The following KCTD15 variants were observed in gnomAD, a reference collection of about 807,000 sequenced individuals.
KCTD15 encodes the protein BTB/POZ domain-containing protein KCTD15.
A neutral mutation model predicts 27.2 loss-of-function variants in KCTD15; 11 were observed. That is an observed-to-expected ratio of 0.41 (90% CI 0.25 to 0.67). KCTD15 has a LOEUF of 0.67. Among genes scored for constraint, KCTD15 ranks in the 30% least tolerant of loss-of-function variants. The probability of loss-of-function intolerance (pLI) is 0.35; values close to 1 mark genes in which losing one functional copy is unlikely to be tolerated. For missense variants in KCTD15, 350 were observed against 409.3 expected, an observed-to-expected ratio of 0.86 and a Z score of 1.25; for synonymous variants, 163 against 176.0, an observed-to-expected ratio of 0.93 and a Z score of 0.58.
Position 33,806,926 on chromosome 19 carries a change from C to T in KCTD15, c.306C>T (p.Phe102=), listed in dbSNP as rs1274235474. 6.2e-7 allele frequency: 1 copy of T among 1,614,180 alleles called. No homozygotes were observed. Among genetic ancestry groups the T allele is most frequent in the South Asian group, 1.1e-5 (1 of 91,086 alleles). Residue 102 remains phenylalanine, a synonymous_variant, in exon 5 of 7, where the codon TTC becomes TTT. Transcript: ENST00000683859. ...IVLDSLKQHY[F]IDRDGEIFRY... ...TGGACAGTTTGAAGCAACATTATTT[C>T]ATTGACCGGGATGGGGAGATTTTCC...
Position 33,813,831 on chromosome 19 carries a change from T to A in KCTD15, c.*883T>A, listed in dbSNP as rs1976012399. Reference sequence around the variant, plus strand: ...CAGCAGCGTCTTCTAGGTCCCCAGCTCAGGGAGCCATCCCCAGCTCCAGTT... The same window carrying A: ...CAGCAGCGTCTTCTAGGTCCCCAGCACAGGGAGCCATCCCCAGCTCCAGTT... On this transcript the variant is annotated 3_prime_UTR_variant, in exon 7 of 7. Transcript: ENST00000683859. 6.3e-6 allele frequency: 1 copy of A among 157,668 alleles called. No homozygotes were observed. Among genetic ancestry groups the A allele is most frequent in the Non-Finnish European group, 1.4e-5 (1 of 71,660 alleles). The allele number at this position is 157,668 out of a possible 1,614,324, so 9.8% of individuals were successfully genotyped here.
rs115575096 is a variant in KCTD15, at chr19:33,805,806, C to T, written c.243-1057C>T. 8.8e-3 allele frequency among the ~76,000 whole-genome samples: 1,334 copies of T among 152,328 alleles called. 17 individuals are homozygous for T. The highest frequency in any genetic ancestry group is 0.031 in the African/African-American group (1,270 of 41,576). On this transcript the variant is annotated intron_variant, in intron 4 of 6. Coordinates refer to ENST00000683859, the MANE Select transcript of KCTD15 (RefSeq NM_001129994.2). ...ATCCCTAGCTCGACCTGGGGTCTGC[C>T]AGGGCAGTTGCCAAACCAGAGCTGG...
chr19:33,812,129 C>G, intron 6 of KCTD15: 1 of 1,267,404 alleles, frequency 7.9e-7, no homozygotes, highest in East Asian at 3.5e-5. Context: ...GGGAAGAGGG[C>G]CCCCTGTGCA....
intron 5 of KCTD15, among the ~76,000 whole-genome samples, chr19:33,807,462 G>A (rs1182370618): frequency 1.3e-5 from 2 of 152,188 alleles, no homozygotes; most frequent in Non-Finnish European, 1.5e-5. Context: ...GGTGGCTCAC[G>A]CCTGTAATCC....
intron 5 of KCTD15, among the ~76,000 whole-genome samples, chr19:33,809,635 G>T (rs965345015): frequency 6.6e-6 from 1 of 152,194 alleles, no homozygotes; most frequent in African/African-American, 2.4e-5. Context: ...GCTTTGGGAG[G>T]CCAAGCAGGA....
chr19:33,802,898 G>A (rs1400342960), intron 4 of KCTD15, among the ~76,000 whole-genome samples: 4 of 152,222 alleles, frequency 2.6e-5, no homozygotes, highest in African/African-American at 9.6e-5. Context: ...TGGGGGAGGC[G>A]GGTGGGAGAG....
rs2145501858 is a variant in KCTD15, at chr19:33,812,960, G to A, written c.*12G>A. On this transcript the variant is annotated 3_prime_UTR_variant, in exon 7 of 7. Coordinates refer to ENST00000683859, the MANE Select transcript of KCTD15 (RefSeq NM_001129994.2). ...AACCCCTGGACTAGGCCCTGCTTCA[G>A]TGCCCACCTGGGCCCCCCCAGGGAC... 2 of 1,536,804 alleles carry A rather than the reference G, an allele frequency of 1.3e-6. No individual in the cohort carries two copies. Among genetic ancestry groups the A allele is most frequent in the South Asian group, 2.4e-5 (2 of 82,706 alleles).
chr19:33,815,441 T>G lies in KCTD15; in HGVS notation c.*2493T>G, dbSNP rs1976062877. 6.6e-6 allele frequency: 1 copy of G among 152,220 alleles called. No homozygotes were observed. Among genetic ancestry groups the G allele is most frequent in the Non-Finnish European group, 1.5e-5 (1 of 68,048 alleles). 9.4% of individuals were successfully genotyped at this position (152,220 alleles called of 1,614,324 possible). ...TTTACACTTCCTGGAATGAGTATAT[T>G]ATCAGCAATCTTTTGTCAAATGCCA... On this transcript the variant is annotated 3_prime_UTR_variant, in exon 7 of 7. Transcript: ENST00000683859.
In KCTD15 at chr19:33,797,265, TGTGTGTGTGTGTGTGTGTGCGC is replaced by T. The variant is rs1258301654; in HGVS notation, c.-127+280_-127+301del. ...GCCGCGCGGTGTGTGTGTGTGTGTG[TGTGTGTGTGTGTGTGTGTGCGC>T]GCGCGCGCGCGCGCGCTTGTGGAGG... On this transcript the variant is annotated intron_variant, in intron 1 of 6. Transcript: ENST00000683859. 2.2e-3 allele frequency: 644 copies of T among 294,620 alleles called. 6 individuals are homozygous for T. Among genetic ancestry groups the T allele is most frequent in the African/African-American group, 0.021 (587 of 28,556 alleles). 18.3% of individuals were successfully genotyped at this position (294,620 alleles called of 1,614,324 possible). A position where few individuals can be genotyped will look rare whatever the true frequency, so the allele number is the denominator to read the frequency against.
chr19:33,811,196 C>CCCCCCCCCCAAA, intron 5 of KCTD15, 51 bp from the exon 6 acceptor site: 5 of 1,291,860 alleles, frequency 3.9e-6, no homozygotes, highest in East Asian at 2.6e-5. Flanking sequence ...CCCCTTCCCC[C>CCCCCCCCCCAAA]ACCACCCCTA....
chr19:33,811,186 C>A, intron 5 of KCTD15, 61 bp from the exon 6 acceptor site: 1 of 1,020,254 alleles, frequency 9.8e-7, no homozygotes, highest in Admixed American at 2.7e-5. Flanking sequence ...CTCCCCTCTC[C>A]CCCTTCCCCC....
In KCTD15 at chr19:33,815,263, A is replaced by C. The variant is rs1184547832; in HGVS notation, c.*2315A>C. On this transcript the variant is annotated 3_prime_UTR_variant, in exon 7 of 7. Coordinates refer to ENST00000683859, the MANE Select transcript of KCTD15 (RefSeq NM_001129994.2). The stretch of plus-strand genomic sequence containing the variant: ...GTTACTCTAATTTATTTATTTCTTT[A>C]CTAATTAAGTAAAACCAGGAAGTAT... 6.6e-6 allele frequency: 1 copy of C among 152,214 alleles called. No homozygotes were observed. Among genetic ancestry groups the C allele is most frequent in the African/African-American group, 2.4e-5 (1 of 41,460 alleles). 9.4% of individuals were successfully genotyped at this position (152,214 alleles called of 1,614,324 possible).
At position 33,811,882 on chromosome 19, in the gene KCTD15, C is replaced by T. The variant is rs185790760; in HGVS notation, c.693+330C>T. Reference sequence around the variant, plus strand: ...ACTTTGGATTCGAACTAAACCCAGGCAACAGGCGAGGCAGGACAGAGGCTG... The same window carrying T: ...ACTTTGGATTCGAACTAAACCCAGGTAACAGGCGAGGCAGGACAGAGGCTG... On this transcript the variant is annotated intron_variant, in intron 6 of 6. Transcript: ENST00000683859. 3.8e-6 allele frequency: 6 copies of T among 1,594,188 alleles called. No individual in the cohort carries two copies. The East Asian group carries it at 1.3e-4, about 36-fold the overall frequency.
Position 33,811,259 on chromosome 19 carries a change from C to G in KCTD15, c.400C>G (p.Leu134Val). ...CGCCTGTCCCCAGGACTTCAGTCTG[C>G]TGTACGAGGAGGCGCGCTACTATCA... ...LPDDFKDFSLLYEEARYYQLQ... is the reference protein window; with the variant it reads ...LPDDFKDFSLVYEEARYYQLQ... Residue 134 changes from leucine to valine, a missense_variant, in exon 6 of 7, where the codon CTG (leucine) becomes GTG (valine). Transcript: ENST00000683859. 7.1e-7 allele frequency: 1 copy of G among 1,402,326 alleles called. No individual in the cohort carries two copies. The highest frequency in any genetic ancestry group is 9.4e-7 in the Non-Finnish European group (1 of 1,062,554). 86.9% of individuals were successfully genotyped at this position (1,402,326 alleles called of 1,614,324 possible).
In KCTD15 at chr19:33,802,358, C is replaced by T. The variant is rs115616725; in HGVS notation, c.242+1016C>T. Reference sequence around the variant, plus strand: ...ATACTGAGGGATCATCTCTGGGGAGCATACACGGCAGGCTGCATTGTCACC... The same window carrying T: ...ATACTGAGGGATCATCTCTGGGGAGTATACACGGCAGGCTGCATTGTCACC... On this transcript the variant is annotated intron_variant, in intron 4 of 6. Transcript: ENST00000683859. 8.9e-3 allele frequency among the ~76,000 whole-genome samples: 1,349 copies of T among 152,306 alleles called. 19 individuals are homozygous for T. Among genetic ancestry groups the T allele is most frequent in the African/African-American group, 0.031 (1,284 of 41,554 alleles).
At chr19:33,797,783 T>C (rs1013969609) in intron 1 of KCTD15, among the ~76,000 whole-genome samples, 1 of 152,196 alleles carries the variant, frequency 6.6e-6, no homozygotes, top group Non-Finnish European at 1.5e-5. Flanking sequence ...TGAAGGAATT[T>C]AACTGCACGA....
At position 33,813,093 on chromosome 19, in the gene KCTD15, G is replaced by C; in HGVS notation, c.*145G>C. ...TGGCCCAGCGAGCACCAGGGTCCCAGGTGTCATGGCAACAGAACGTGGGAT... is the reference window on the plus strand; with the variant it reads ...TGGCCCAGCGAGCACCAGGGTCCCACGTGTCATGGCAACAGAACGTGGGAT... On this transcript the variant is annotated 3_prime_UTR_variant, in exon 7 of 7. Coordinates refer to ENST00000683859, the MANE Select transcript of KCTD15 (RefSeq NM_001129994.2). The C allele has an allele frequency of 1.2e-6, 1 of 804,890 alleles. No homozygotes were observed. Among genetic ancestry groups the C allele is most frequent in the Non-Finnish European group, 2.0e-6 (1 of 501,724 alleles). The allele number at this position is 804,890 out of a possible 1,614,324, so 49.9% of individuals were successfully genotyped here.
chr19:33,813,384 C>T lies in KCTD15; in HGVS notation c.*436C>T, dbSNP rs1388253202. ...TCTACAGTATTTAAAATGGATGCAG[C>T]CCTAACTGCAAAAGTCAGAGAGGCT... On this transcript the variant is annotated 3_prime_UTR_variant, in exon 7 of 7. Transcript: ENST00000683859. The T allele has an allele frequency of 2.2e-6, 1 of 463,814 alleles. No homozygotes were observed. The highest frequency in any genetic ancestry group is 1.5e-5 in the South Asian group (1 of 64,622). 28.7% of individuals were successfully genotyped at this position (463,814 alleles called of 1,614,324 possible). A position where few individuals can be genotyped will look rare whatever the true frequency, so the allele number is the denominator to read the frequency against.
intron 2 of KCTD15, among the ~76,000 whole-genome samples, chr19:33,799,230 C>T (rs1364884637): frequency 1.3e-5 from 2 of 152,180 alleles, no homozygotes; most frequent in Non-Finnish European, 1.5e-5. Flanking sequence ...TCAGGGAGAG[C>T]AACCTTGCTT....
Sources: gnomAD v4.1 joint callset for allele counts (sites outside exome capture counted in the v4.1 genomes callset) on GRCh38, gnomAD v4.1.1 for gene constraint, MANE v1.5 for transcripts, NCBI Gene and HGNC (gene_info 2026-07-23, HGNC 2026-07-21) for gene names.